The following TBCK variants were observed in gnomAD, a reference collection of about 807,000 sequenced individuals.
TBCK encodes TBC1 domain containing kinase.
TBCK carries 99 observed loss-of-function variants against 113.4 expected under a neutral mutation model. The ratio of observed to expected loss-of-function variants is 0.87; its 90% CI spans 0.74 to 1.03. The LOEUF (loss-of-function observed/expected upper bound fraction) is 1.03. TBCK is among the 50% of genes least tolerant of loss of function. The pLI is 0.00. For missense variants in TBCK, 1,045 were observed against 1,061.3 expected (o/e 0.98, Z 0.21); for synonymous variants, 369 against 370.8 (o/e 1.00, Z 0.05).
chr4:106,273,174 A>T (rs148281451), intron 3 of TBCK, among the ~76,000 whole-genome samples: 1 of 152,238 alleles, frequency 6.6e-6, no homozygotes, highest in Non-Finnish European at 1.5e-5. Context: ...AATTGTAACT[A>T]TAACAACAAA....
intron 23 of TBCK, among the ~76,000 whole-genome samples, chr4:106,124,250 T>A (rs1018723934): frequency 1.3e-5 from 2 of 151,736 alleles, no homozygotes; most frequent in East Asian, 1.9e-4. Context: ...ACATGAAAAA[T>A]TGCTCATTAT....
chr4:106,237,445 G>A, intron 12 of TBCK: 1 of 454,218 alleles, frequency 2.2e-6, no homozygotes, highest in South Asian at 1.6e-5. Context: ...AAAGTAAAAT[G>A]TTAACCACAT....
rs759711628 is a variant in TBCK, at chr4:106,248,248, T to A, written c.779A>T (p.Lys260Met). ...CCAATCTCTAAATAATATCAACCTCTTAGAAGGATGGAAGGTAAGGCACTT... is the reference window on the plus strand; with the variant it reads ...CCAATCTCTAAATAATATCAACCTCATAGAAGGATGGAAGGTAAGGCACTT... ...LNKCLTFHPS[K>M]RPTPDQLMKD... The change falls in exon 9 of 26, where the codon AAG becomes ATG. Residue 260 changes from lysine (K) to methionine (M), a missense_variant. Physicochemically the swap from Lys to Met is moderately conservative, Grantham distance 95. Coordinates refer to ENST00000394708, the MANE Select transcript of TBCK (RefSeq NM_001163435.3). 39 of 1,593,296 alleles carry A rather than the reference T, an allele frequency of 2.4e-5. No individual in the cohort carries two copies. Among genetic ancestry groups the A allele is most frequent in the Non-Finnish European group, 1.1e-5 (13 of 1,169,906 alleles).
At chr4:106,068,632 A>G (rs1268607867) in intron 25 of TBCK, among the ~76,000 whole-genome samples, 1 of 152,196 alleles carries the variant, frequency 6.6e-6, no homozygotes, top group Non-Finnish European at 1.5e-5. Flanking sequence ...TCTTTATAGT[A>G]GCATGATTTA....
intron 20 of TBCK, among the ~76,000 whole-genome samples, chr4:106,196,181 T>C (rs754142962): frequency 6.6e-6 from 1 of 151,846 alleles, no homozygotes; most frequent in Non-Finnish European, 1.5e-5. Context: ...TACACACATA[T>C]ATAGCTATAT....
intron 11 of TBCK, among the ~76,000 whole-genome samples, chr4:106,243,651 C>G (rs1164695092): frequency 1.3e-5 from 2 of 151,666 alleles, no homozygotes; most frequent in African/African-American, 4.8e-5. Flanking sequence ...CTACAGTTGC[C>G]TACAATAATC....
At position 106,045,284 on chromosome 4, in the gene TBCK, C is replaced by G. The variant is rs1734120799; in HGVS notation, c.*1286G>C. 1 of 152,122 alleles carries G rather than the reference C, an allele frequency of 6.6e-6. No individual in the cohort carries two copies. The highest frequency in any genetic ancestry group is 2.4e-5 in the African/African-American group (1 of 41,444). The allele number at this position is 152,122 out of a possible 1,614,324, so 9.4% of individuals were successfully genotyped here. On this transcript the variant is annotated 3_prime_UTR_variant, in exon 26 of 26. Coordinates refer to ENST00000394708, the MANE Select transcript of TBCK (RefSeq NM_001163435.3). Reference sequence around the variant, plus strand: ...ATGTTGGCCAGGCTGGTCTCAAACTCCTGACCTCGGCCTCCCAGGGAATGT... The same window carrying G: ...ATGTTGGCCAGGCTGGTCTCAAACTGCTGACCTCGGCCTCCCAGGGAATGT...
In TBCK at chr4:106,180,174, A is replaced by G. The variant is rs766409134; in HGVS notation, c.2060-8904T>C. Reference sequence around the variant, plus strand: ...TAGTTGTGTCTTTTTTTTTAAATCAATTCAGCCATTCTAGCTCTTTTTATT... The same window carrying G: ...TAGTTGTGTCTTTTTTTTTAAATCAGTTCAGCCATTCTAGCTCTTTTTATT... On this transcript the variant is annotated intron_variant, in intron 22 of 25. Transcript: ENST00000394708. Among the ~76,000 whole-genome samples, 22 of 151,908 alleles carry G rather than the reference A, an allele frequency of 1.4e-4. No homozygotes were observed. The South Asian group carries it at 1.7e-3, about 11-fold the overall frequency.
In TBCK at chr4:106,113,071, G is replaced by C. The variant is rs539848739; in HGVS notation, c.2411+3132C>G. On this transcript the variant is annotated intron_variant, in intron 24 of 25. Transcript: ENST00000394708. ...CCATTAATAACAATTCTCAATTAGC[G>C]CTCATGCCTTTCCTGGAGAGTCCAC... Among the ~76,000 whole-genome samples the C allele has an allele frequency of 3.3e-5, 5 of 152,290 alleles. No homozygotes were observed. The South Asian group carries it at 1.0e-3, about 32-fold the overall frequency.
chr4:106,233,179 A>T lies in TBCK; in HGVS notation c.1513-115T>A, dbSNP rs1361725727. 2.8e-6 allele frequency: 3 copies of T among 1,057,512 alleles called. No individual in the cohort carries two copies. The Admixed American group carries it at 8.6e-5, about 30-fold the overall frequency. 65.5% of individuals were successfully genotyped at this position (1,057,512 alleles called of 1,614,324 possible). On this transcript the variant is annotated intron_variant, in intron 16 of 25. Coordinates refer to ENST00000394708, the MANE Select transcript of TBCK (RefSeq NM_001163435.3). ...GAAGCTATAATATGAATTTCAAAAC[A>T]GACCAACTTCTTAAGTGCCTAATTT...
chr4:106,309,909 C>T (rs943394715), intron 1 of TBCK: 3 of 152,116 alleles, frequency 2.0e-5, no homozygotes, highest in Non-Finnish European at 2.9e-5. Flanking sequence ...TAGCATGAGG[C>T]GTCCTATTTG....
chr4:106,158,662 A>T (rs997453008), intron 23 of TBCK, among the ~76,000 whole-genome samples: 2 of 152,158 alleles, frequency 1.3e-5, no homozygotes, highest in African/African-American at 2.4e-5. Context: ...AGTAATAAAA[A>T]ATCTCCTAAG....
intron 25 of TBCK, among the ~76,000 whole-genome samples, chr4:106,090,559 G>A (rs1740102965): frequency 6.6e-6 from 1 of 152,150 alleles, no homozygotes; most frequent in Non-Finnish European, 1.5e-5. Context: ...TGGGCTACAA[G>A]TTTTCCAAAT....
At chr4:106,278,805 G>T (rs143863860) in intron 3 of TBCK, among the ~76,000 whole-genome samples, 18 of 151,694 alleles carry the variant, frequency 1.2e-4, no homozygotes, top group African/African-American at 4.3e-4. Flanking sequence ...ATGTGAATGG[G>T]TATAATCAAC....
intron 23 of TBCK, among the ~76,000 whole-genome samples, chr4:106,132,409 T>C (rs1022643467): frequency 6.6e-6 from 1 of 152,258 alleles, no homozygotes; most frequent in Non-Finnish European, 1.5e-5. Context: ...GGCTTACATG[T>C]AGTGTTGGGC....
chr4:106,296,256 G>A (rs1005113665), intron 2 of TBCK, among the ~76,000 whole-genome samples: 4 of 152,116 alleles, frequency 2.6e-5, no homozygotes, highest in African/African-American at 9.7e-5. Flanking sequence ...GTTATTTGAG[G>A]AGTTTGGTTC....
chr4:106,202,688 G>C (rs1326203722), intron 20 of TBCK, among the ~76,000 whole-genome samples: 1 of 152,036 alleles, frequency 6.6e-6, no homozygotes, highest in Non-Finnish European at 1.5e-5. Flanking sequence ...AGTCACACAA[G>C]TGATATTGCA....
chr4:106,299,404 T>C (rs1355208617), intron 2 of TBCK, among the ~76,000 whole-genome samples: 2 of 152,258 alleles, frequency 1.3e-5, no homozygotes, highest in Non-Finnish European at 2.9e-5. Flanking sequence ...TTAACCATTT[T>C]AAATTGGATA....
intron 19 of TBCK, 130 bp from the exon 20 acceptor site, chr4:106,212,965 T>C (rs1275740029): frequency 9.6e-6 from 6 of 624,982 alleles, no homozygotes; most frequent in Non-Finnish European, 1.6e-5. Context: ...CGTGATAATT[T>C]TGTTTTGTTA....
Sources: gnomAD v4.1 joint callset for allele counts (sites outside exome capture counted in the v4.1 genomes callset) on GRCh38, gnomAD v4.1.1 for gene constraint, MANE v1.5 for transcripts, NCBI Gene and HGNC (gene_info 2026-07-23, HGNC 2026-07-21) for gene names.